The following ANK3 variants were observed in gnomAD, a reference collection of about 807,000 sequenced individuals.
ANK3 encodes the protein ankyrin 3, also known as ankyrin-3.
ANK3 carries 57 observed loss-of-function variants against 370.9 expected under a neutral mutation model. The ratio of observed to expected loss-of-function variants is 0.15; its 90% CI spans 0.12 to 0.19. ANK3 has a LOEUF of 0.19. Among genes scored for constraint, ANK3 ranks in the 10% least tolerant of loss-of-function variants. The pLI, the probability that ANK3 is intolerant of heterozygous loss-of-function variation, is 1.00. For synonymous variants in ANK3, 1,929 were observed against 1,946.3 expected, an observed-to-expected ratio of 0.99 and a Z score of 0.23; for missense variants, 4,439 against 5,302.1, an observed-to-expected ratio of 0.84 and a Z score of 5.06.
intron 2 of ANK3, among the ~76,000 whole-genome samples, chr10:60,536,030 T>G (rs1380140016): frequency 1.3e-5 from 2 of 152,110 alleles, no homozygotes; most frequent in East Asian, 3.9e-4. Flanking sequence ...GGATAGCCAT[T>G]GCAAATTGCA....
At chr10:60,274,784 T>C (rs1396891512) in intron 4 of ANK3, among the ~76,000 whole-genome samples, 1 of 152,218 alleles carries the variant, frequency 6.6e-6, no homozygotes, top group African/African-American at 2.4e-5. Flanking sequence ...GTGCTTAAGT[T>C]AGTTTCTCTC....
Position 60,517,683 on chromosome 10 carries a change from T to C in ANK3, c.96+97503A>G, listed in dbSNP as rs78675711. Among the ~76,000 whole-genome samples the C allele has an allele frequency of 2.4e-3, 360 of 152,236 alleles. 1 individual carries two copies. Among genetic ancestry groups the C allele is most frequent in the African/African-American group, 8.4e-3 (347 of 41,554 alleles). Reference sequence around the variant, plus strand: ...GATTGTTGTGGGGACTCACACAAGATGGCACATTTCAAAGTACTTTGTAAA... The same window carrying C: ...GATTGTTGTGGGGACTCACACAAGACGGCACATTTCAAAGTACTTTGTAAA... On this transcript the variant is annotated intron_variant, in intron 2 of 43. Coordinates refer to the ANK3 transcript ENST00000373827.
intron 2 of ANK3, among the ~76,000 whole-genome samples, chr10:60,509,844 T>C (rs565716481): frequency 4.6e-5 from 7 of 152,132 alleles, no homozygotes; most frequent in Admixed American, 4.6e-4. Flanking sequence ...TAAAGTTTCT[T>C]TAAGGATTGT....
chr10:60,323,493 C>A (rs1200731080), intron 1 of ANK3, among the ~76,000 whole-genome samples: 1 of 152,182 alleles, frequency 6.6e-6, no homozygotes, highest in Non-Finnish European at 1.5e-5. Flanking sequence ...CATTGTTTAT[C>A]CCGACATGTG....
At chr10:60,196,109 C>T in intron 16 of ANK3, 36 bp downstream of exon 16, 1 of 1,540,030 alleles carries the variant, frequency 6.5e-7, no homozygotes, top group Non-Finnish European at 9.0e-7. Flanking sequence ...ATAGACCTTA[C>T]CCATCAGTCT....
chr10:60,233,685 C>T (rs1183895341), intron 8 of ANK3, among the ~76,000 whole-genome samples: 1 of 152,144 alleles, frequency 6.6e-6, no homozygotes, highest in Non-Finnish European at 1.5e-5. Context: ...GATCCTCCTG[C>T]CTTGGCCTCT....
At chr10:60,051,922 A>G (rs1479351143) in intron 42 of ANK3, among the ~76,000 whole-genome samples, 3 of 152,046 alleles carry the variant, frequency 2.0e-5, no homozygotes, top group African/African-American at 7.2e-5. Context: ...TAAAATCTAT[A>G]TTCATCTACC....
intron 2 of ANK3, among the ~76,000 whole-genome samples, chr10:60,397,199 A>AT (rs1297530354): frequency 7.2e-6 from 1 of 138,216 alleles, no homozygotes; most frequent in Non-Finnish European, 1.6e-5. Context: ...TTATAGTAGG[A>AT]TTAAAAAAAA....
At chr10:60,231,007 TAA>T (rs1168895032) in intron 8 of ANK3, among the ~76,000 whole-genome samples, 1 of 152,144 alleles carries the variant, frequency 6.6e-6, no homozygotes, top group Non-Finnish European at 1.5e-5. Flanking sequence ...TAATTATTCT[TAA>T]AGTTACAATT....
At chr10:60,309,687 C>T (rs755258195) in intron 1 of ANK3, among the ~76,000 whole-genome samples, 2 of 152,110 alleles carry the variant, frequency 1.3e-5, no homozygotes, top group African/African-American at 4.8e-5. Context: ...AATTAATATA[C>T]TCTGTTTAAA....
chr10:60,505,567 C>G (rs1214354141), intron 2 of ANK3, among the ~76,000 whole-genome samples: 1 of 152,076 alleles, frequency 6.6e-6, no homozygotes, highest in Non-Finnish European at 1.5e-5. Flanking sequence ...TCTTCCTGAT[C>G]AAGATTCTGA....
At chr10:60,467,439 G>T (rs1260472876) in intron 2 of ANK3, among the ~76,000 whole-genome samples, 1 of 152,118 alleles carries the variant, frequency 6.6e-6, no homozygotes, top group Non-Finnish European at 1.5e-5. Flanking sequence ...AGCAGGATGT[G>T]GGAGGTATCA....
chr10:60,375,967 T>C (rs1427899764), intron 1 of ANK3, among the ~76,000 whole-genome samples: 3 of 152,168 alleles, frequency 2.0e-5, no homozygotes, highest in African/African-American at 7.2e-5. Flanking sequence ...AATCACTGCA[T>C]TGGGATGGCC....
intron 1 of ANK3, among the ~76,000 whole-genome samples, chr10:60,375,223 T>A (rs1167711164): frequency 1.3e-5 from 2 of 152,202 alleles, no homozygotes; most frequent in Non-Finnish European, 2.9e-5. Context: ...GCACGAGTAC[T>A]AGGGGCACAA....
chr10:60,564,191 C>T (rs79217655), intron 2 of ANK3, among the ~76,000 whole-genome samples: 15 of 152,040 alleles, frequency 9.9e-5, no homozygotes, highest in African/African-American at 3.6e-4. Context: ...AATTAACAGC[C>T]CAGCAGAAAA....
At chr10:60,615,314 T>A (rs1352303372) in intron 1 of ANK3, 6 of 868,368 alleles carry the variant, frequency 6.9e-6, no homozygotes, top group African/African-American at 1.7e-5. Flanking sequence ...CATTATTAAT[T>A]GACTTATAAA....
At position 60,074,134 on chromosome 10, in the gene ANK3, G is replaced by A. The variant is rs763671999; in HGVS notation, c.6747C>T (p.Thr2249=). Residue 2249 remains threonine, a synonymous_variant, in exon 37 of 44, where the codon ACC becomes ACT. Coordinates refer to ENST00000280772, the MANE Select transcript of ANK3 (RefSeq NM_020987.5). The part of the protein sequence containing the change: ...RVKEETHITT[T]TRMVYHSPPG... ...GTGGAGAATGATAAACCATTCTGGT[G>A]GTTGTGGTTATGTGAGTCTCTTCTT... 1 of 1,613,882 alleles carries A rather than the reference G, an allele frequency of 6.2e-7. No homozygotes were observed. Among genetic ancestry groups the A allele is most frequent in the Non-Finnish European group, 8.5e-7 (1 of 1,179,930 alleles).
intron 2 of ANK3, among the ~76,000 whole-genome samples, chr10:60,512,449 G>A (rs1595178748): frequency 6.6e-6 from 1 of 152,254 alleles, no homozygotes; most frequent in East Asian, 1.9e-4. Flanking sequence ...AATTGGGAAA[G>A]TATCATGATG....
At position 60,709,837 on chromosome 10, in the gene ANK3, AAAAAG is replaced by A. The variant is rs1205259586; in HGVS notation, c.57+23421_57+23425del. 1.4e-3 allele frequency among the ~76,000 whole-genome samples: 209 copies of A among 151,998 alleles called. 1 individual carries two copies. The highest frequency in any genetic ancestry group is 2.7e-3 in the Non-Finnish European group (183 of 67,930). ...AGTGAGACCCCATCTCAAAAAAAAA[AAAAAG>A]AAAAGAAAAAAGAAAATCATAAGGA... On this transcript the variant is annotated intron_variant, in intron 1 of 43. Transcript: ENST00000373827.
Sources: gnomAD v4.1 joint callset for allele counts (sites outside exome capture counted in the v4.1 genomes callset) on GRCh38, gnomAD v4.1.1 for gene constraint, MANE v1.5 for transcripts, NCBI Gene and HGNC (gene_info 2026-07-23, HGNC 2026-07-21) for gene names.